NET1: variants seen among roughly 807,000 people sequenced by gnomAD.
NET1 encodes neuroepithelial cell-transforming gene 1 protein.
A neutral mutation model predicts 61.1 loss-of-function variants in NET1; 42 were observed. That is an observed-to-expected ratio of 0.69 (90% CI 0.54 to 0.89). The LOEUF (loss-of-function observed/expected upper bound fraction) is 0.89, where lower values mean the gene tolerates loss of function less well. NET1 is among the 40% of genes least tolerant of loss of function. The pLI is 0.00. For missense variants in NET1, 654 were observed against 747.3 expected, an observed-to-expected ratio of 0.88 and a Z score of 1.46; for synonymous variants, 254 against 281.8, an observed-to-expected ratio of 0.90 and a Z score of 0.99.
Position 5,444,312 on chromosome 10 carries a change from A to G in NET1, c.256-7518A>G, listed in dbSNP as rs1369190548. ...ACCACATCTCGTGTATAAAACACAC[A>G]TAGCTACAGAAGGGCAGTGGTGGTC... On this transcript the variant is annotated intron_variant, in intron 3 of 11. Transcript: ENST00000355029. The surrounding 1 kb of genome is among the most constrained non-coding windows in gnomAD (Gnocchi z 5.3). Among the ~76,000 whole-genome samples the G allele has an allele frequency of 6.6e-6, 1 of 152,248 alleles. No homozygotes were observed. Among genetic ancestry groups the G allele is most frequent in the East Asian group, 1.9e-4 (1 of 5,202 alleles).
In NET1 at chr10:5,434,820, G is replaced by C. The variant is rs993802934; in HGVS notation, c.255+5591G>C. Among the ~76,000 whole-genome samples, 3 of 151,184 alleles carry C rather than the reference G, an allele frequency of 2.0e-5. No homozygotes were observed. The East Asian group carries it at 5.8e-4, about 29-fold the overall frequency. On this transcript the variant is annotated intron_variant, in intron 3 of 11. Transcript: ENST00000355029. ...TATAGAAAAGCTGATCAAAGGACTA[G>C]GAAACACTGACATACACTAGTCACT...
rs769030756 is a variant in NET1, at chr10:5,459,009, A to C, written c.*2015A>C. On this transcript the variant is annotated 3_prime_UTR_variant, in exon 12 of 12. Coordinates refer to ENST00000355029, the MANE Select transcript of NET1 (RefSeq NM_001047160.3). ...TTTGGTTCCCTCAAAGGTAAAAATA[A>C]GACCCAGAATCTGAGTAAATCTATT... is the stretch of plus-strand genomic sequence containing the variant. Among the ~76,000 whole-genome samples the C allele has an allele frequency of 2.0e-5, 3 of 152,226 alleles. No individual in the cohort carries two copies. The highest frequency in any genetic ancestry group is 4.4e-5 in the Non-Finnish European group (3 of 68,038).
At chr10:5,436,184 TGTTGTGTGTGTG>T (rs1291766605) in intron 3 of NET1, among the ~76,000 whole-genome samples, 2,781 of 58,564 alleles carry the variant, frequency 0.047, 103 homozygotes, top group East Asian at 0.16. Context: ...TGTGTGTGTG[TGTTGTGTGTGTG>T]TGTGTGTGTG....
chr10:5,413,422 C>T (rs1004663564), intron 1 of NET1, among the ~76,000 whole-genome samples: 1 of 151,992 alleles, frequency 6.6e-6, no homozygotes, highest in Non-Finnish European at 1.5e-5. Flanking sequence ...CGTGTTTTTT[C>T]TTTTTACTTT....
rs188194792 is a variant in NET1 at position 5,419,556 on chromosome 10, T to C, written c.128+6736T>C. Among the ~76,000 whole-genome samples the C allele has an allele frequency of 7.3e-4, 111 of 152,356 alleles. 1 individual carries two copies. Among genetic ancestry groups the C allele is most frequent in the Admixed American group, 6.4e-3 (98 of 15,302 alleles). On this transcript the variant is annotated intron_variant, in intron 1 of 11. Transcript: ENST00000355029. The stretch of plus-strand genomic sequence containing the variant: ...TGAATTTCTTTACTGATTTTTTTCA[T>C]TGACACTGCTTTTACTAGGCTTTTT...
rs61754990 is a variant in NET1, at chr10:5,454,310, G to A, written c.814G>A (p.Ala272Thr). The change falls in exon 9 of 12, where the codon GCA (alanine) becomes ACA (threonine). Residue 272 changes from alanine (A) to threonine (T), a missense_variant. Coordinates refer to ENST00000355029, the MANE Select transcript of NET1 (RefSeq NM_001047160.3). This position sits in a 1 kb window ranked among gnomAD's most constrained non-coding sequence, Gnocchi z 8.1. ...AYRGYCSNQLAAKALLDQKKQ... is the reference protein window; with the variant it reads ...AYRGYCSNQLTAKALLDQKKQ... ...CAGAGGTTACTGTAGTAACCAGCTG[G>A]CAGCCAAAGCTCTTCTTGATCAAAA... 3 of 1,614,108 alleles carry A rather than the reference G, an allele frequency of 1.9e-6. No homozygotes were observed. The South Asian group carries it at 3.3e-5, about 18-fold the overall frequency.
rs1832558098 is a variant in NET1 at position 5,443,582 on chromosome 10, T to C, written c.256-8248T>C. ...CAAGACTCAAGATTCTTGAGTCCAG[T>C]TGAACTTCCGCATGTTCATCATTCC... On this transcript the variant is annotated intron_variant, in intron 3 of 11. Transcript: ENST00000355029. This position sits in a 1 kb window ranked among gnomAD's most constrained non-coding sequence, Gnocchi z 4.8. Among the ~76,000 whole-genome samples, 1 of 152,200 alleles carries C rather than the reference T, an allele frequency of 6.6e-6. No homozygotes were observed. The highest frequency in any genetic ancestry group is 1.5e-5 in the Non-Finnish European group (1 of 68,032).
chr10:5,429,072 C>A, intron 2 of NET1, 98 bp from the exon 3 acceptor site: 1 of 921,656 alleles, frequency 1.1e-6, no homozygotes, highest in Non-Finnish European at 1.6e-6. Context: ...AAAGGCTTAA[C>A]TTTTTTAAAT....
At position 5,458,772 on chromosome 10, in the gene NET1, G is replaced by A. The variant is rs558244680; in HGVS notation, c.*1778G>A. ...TCAGATTTTAATGTAAGTACCTCAG[G>A]TTCTTGTCTTTGGAAATTCACATTC... On this transcript the variant is annotated 3_prime_UTR_variant, in exon 12 of 12. Coordinates refer to ENST00000355029, the MANE Select transcript of NET1 (RefSeq NM_001047160.3). This position sits in a 1 kb window ranked among gnomAD's most constrained non-coding sequence, Gnocchi z 4.5. Among the ~76,000 whole-genome samples the A allele has an allele frequency of 6.6e-6, 1 of 152,262 alleles. No individual in the cohort carries two copies. The highest frequency in any genetic ancestry group is 1.5e-5 in the Non-Finnish European group (1 of 68,004).
In NET1 at chr10:5,426,812, A is replaced by C; in HGVS notation, c.195+91A>C. 1.2e-6 allele frequency: 1 copy of C among 808,390 alleles called. No homozygotes were observed. The highest frequency in any genetic ancestry group is 2.7e-5 in the South Asian group (1 of 36,678). 50.1% of individuals were successfully genotyped at this position (808,390 alleles called of 1,614,324 possible). ...TCTGTTACACAGATCAGTGGTCCTTACTTCTGAGGGTCTTGAGGAACAGAA... is the reference window on the plus strand; with the variant it reads ...TCTGTTACACAGATCAGTGGTCCTTCCTTCTGAGGGTCTTGAGGAACAGAA... On this transcript the variant is annotated intron_variant, in intron 2 of 11. Transcript: ENST00000355029. This position sits in a 1 kb window ranked among gnomAD's most constrained non-coding sequence, Gnocchi z 4.6.
Position 5,446,469 on chromosome 10 carries a change from TG to T in NET1, c.256-5358del. 1 of 722,412 alleles carries T rather than the reference TG, an allele frequency of 1.4e-6. No homozygotes were observed. The highest frequency in any genetic ancestry group is 1.7e-6 in the Non-Finnish European group (1 of 575,310). The allele number at this position is 722,412 out of a possible 1,614,324, so 44.8% of individuals were successfully genotyped here. Reference sequence around the variant, plus strand: ...CTTGAACCCAGCTTCACTCTCCTCCTGGGCGAAAGCTGAGAGGCCTAGGTGT... The same window carrying T: ...CTTGAACCCAGCTTCACTCTCCTCCTGGCGAAAGCTGAGAGGCCTAGGTGT... On this transcript the variant is annotated intron_variant, in intron 3 of 11. Coordinates refer to ENST00000355029, the MANE Select transcript of NET1 (RefSeq NM_001047160.3). The surrounding 1 kb of genome is among the most constrained non-coding windows in gnomAD (Gnocchi z 5.0).
Position 5,456,057 on chromosome 10 carries a change from C to T in NET1, c.1198-30C>T, listed in dbSNP as rs761361055. On this transcript the variant is annotated intron_variant, in intron 10 of 11. Coordinates refer to ENST00000355029, the MANE Select transcript of NET1 (RefSeq NM_001047160.3). The surrounding 1 kb of genome is among the most constrained non-coding windows in gnomAD (Gnocchi z 7.0). Reference sequence around the variant, plus strand: ...TCAGTCACTTAAAAACACAAGTTTCCTATTTAGCGTTTGTTTCCCATTTCT... The same window carrying T: ...TCAGTCACTTAAAAACACAAGTTTCTTATTTAGCGTTTGTTTCCCATTTCT... The T allele has an allele frequency of 6.3e-7, 1 of 1,583,780 alleles. No homozygotes were observed. The highest frequency in any genetic ancestry group is 1.8e-5 in the Admixed American group (1 of 56,408).
chr10:5,436,216 G>C (rs1447083896), intron 3 of NET1, among the ~76,000 whole-genome samples: 1 of 38,100 alleles, frequency 2.6e-5, no homozygotes, highest in Non-Finnish European at 4.9e-5. Context: ...GTGTGTGTGT[G>C]TGTGTGTGCA....
At chr10:5,436,248 A>ATATATATATATAT (rs1564462826) in intron 3 of NET1, among the ~76,000 whole-genome samples, 1 of 18,428 alleles carries the variant, frequency 5.4e-5, no homozygotes, top group Non-Finnish European at 9.3e-5. Flanking sequence ...ATATATATAT[A>ATATATATATATAT]TTTTTTTTTT....
chr10:5,420,547 C>G lies in NET1; in HGVS notation c.129-6108C>G, dbSNP rs145901258. 2.3e-3 allele frequency among the ~76,000 whole-genome samples: 354 copies of G among 152,208 alleles called. 3 individuals are homozygous for G. The highest frequency in any genetic ancestry group is 8.0e-3 in the African/African-American group (333 of 41,534). On this transcript the variant is annotated intron_variant, in intron 1 of 11. Coordinates refer to ENST00000355029, the MANE Select transcript of NET1 (RefSeq NM_001047160.3). This position sits in a 1 kb window ranked among gnomAD's most constrained non-coding sequence, Gnocchi z 5.3. ...ATGACAGGCCTCTTAACGTCTTTCT[C>G]CTCACCTCCCAGTTCTGGGTAGTAG...
Position 5,452,702 on chromosome 10 carries a change from G to A in NET1, c.532-156G>A, listed in dbSNP as rs1406492798. On this transcript the variant is annotated intron_variant, in intron 5 of 11. Coordinates refer to ENST00000355029, the MANE Select transcript of NET1 (RefSeq NM_001047160.3). This position sits in a 1 kb window ranked among gnomAD's most constrained non-coding sequence, Gnocchi z 4.0. ...AATAGGGTAAACTTACCAAACATAC[G>A]GCAACCTTGTATTTGAGATTCCATT... The A allele has an allele frequency of 1.2e-5, 11 of 913,072 alleles. No homozygotes were observed. Among genetic ancestry groups the A allele is most frequent in the Admixed American group, 5.6e-5 (2 of 35,688 alleles). 56.6% of individuals were successfully genotyped at this position (913,072 alleles called of 1,614,324 possible).
rs1053395504 is a variant in NET1, at chr10:5,441,951, G to A, written c.256-9879G>A. Among the ~76,000 whole-genome samples the A allele has an allele frequency of 1.3e-5, 2 of 152,064 alleles. No homozygotes were observed. Among genetic ancestry groups the A allele is most frequent in the South Asian group, 4.1e-4 (2 of 4,830 alleles). On this transcript the variant is annotated intron_variant, in intron 3 of 11. Coordinates refer to ENST00000355029, the MANE Select transcript of NET1 (RefSeq NM_001047160.3). The surrounding 1 kb of genome is among the most constrained non-coding windows in gnomAD (Gnocchi z 4.6). ...TTAGTGAGATACAGAGTATATGCTT[G>A]TAATCTTGAATTCTAGAGTTTTAAA...
chr10:5,442,614 G>C (rs546210636), intron 3 of NET1, among the ~76,000 whole-genome samples: 7 of 152,128 alleles, frequency 4.6e-5, no homozygotes, highest in African/African-American at 1.4e-4. Context: ...GTTGCTGTTG[G>C]CCAGGCAGGG....
intron 3 of NET1, among the ~76,000 whole-genome samples, chr10:5,430,921 G>T (rs1384523583): frequency 1.3e-5 from 2 of 149,314 alleles, no homozygotes; most frequent in Non-Finnish European, 3.0e-5. Context: ...GCCCAGGCTG[G>T]AGTGCAGTGG....
Sources: gnomAD v4.1 joint callset for allele counts (sites outside exome capture counted in the v4.1 genomes callset) on GRCh38, gnomAD v4.1.1 for gene constraint, Gnocchi (gnomAD v3.1) non-coding constraint, MANE v1.5 for transcripts, NCBI Gene and HGNC (gene_info 2026-07-23, HGNC 2026-07-21) for gene names.